Variants in ANKS1B observed in about 807,000 individuals in gnomAD.
ANKS1B encodes ankyrin repeat and sterile alpha motif domain-containing protein 1B.
A neutral mutation model predicts 148.3 loss-of-function variants in ANKS1B; 36 were observed. The observed-to-expected ratio is 0.24, with a 90% confidence interval of 0.19 to 0.32. ANKS1B has a LOEUF of 0.32. Among genes scored for constraint, ANKS1B ranks in the 10% least tolerant of loss-of-function variants. The pLI is 1.00. For synonymous variants in ANKS1B, 542 were observed against 560.8 expected (o/e 0.97, Z 0.47); for missense variants, 1,157 against 1,542.6 (o/e 0.75, Z 4.19).
intron 12 of ANKS1B, among the ~76,000 whole-genome samples, chr12:99,264,579 A>G (rs2153984465): frequency 6.6e-6 from 1 of 152,246 alleles, no homozygotes; most frequent in East Asian, 1.9e-4. Flanking sequence ...TGACGTTAGC[A>G]TTTTGGAAAA....
At chr12:99,748,724 T>C (rs1266489998) in intron 8 of ANKS1B, among the ~76,000 whole-genome samples, 3 of 151,884 alleles carry the variant, frequency 2.0e-5, no homozygotes, top group Non-Finnish European at 4.4e-5. Flanking sequence ...TAAAACAGGG[T>C]AATGGAAATA....
At chr12:99,690,979 C>T (rs1179148130) in intron 8 of ANKS1B, among the ~76,000 whole-genome samples, 1 of 152,230 alleles carries the variant, frequency 6.6e-6, no homozygotes, top group Non-Finnish European at 1.5e-5. Context: ...TCCCTACATC[C>T]TCTGAAATCT....
At chr12:99,102,452 AATAGGAGGTG>A (rs1218972941) in intron 15 of ANKS1B, among the ~76,000 whole-genome samples, 1 of 152,150 alleles carries the variant, frequency 6.6e-6, no homozygotes, top group East Asian at 1.9e-4. Context: ...CACTCGTAAG[AATAGGAGGTG>A]ACTGGGTGCA....
At chr12:99,222,785 C>T (rs1253114182) in intron 14 of ANKS1B, among the ~76,000 whole-genome samples, 2 of 152,162 alleles carry the variant, frequency 1.3e-5, no homozygotes, top group African/African-American at 4.8e-5. Flanking sequence ...CTATATCTTT[C>T]TCTGAGAAAC....
chr12:98,915,360 A>AT (rs2099792853), intron 17 of ANKS1B, among the ~76,000 whole-genome samples: 3 of 119,260 alleles, frequency 2.5e-5, no homozygotes, highest in African/African-American at 1.5e-4. Context: ...TGTGAGACAG[A>AT]ATTTTTTTTT....
intron 1 of ANKS1B, among the ~76,000 whole-genome samples, chr12:99,880,143 A>C (rs896641735): frequency 2.0e-5 from 3 of 152,230 alleles, no homozygotes; most frequent in African/African-American, 4.8e-5. Context: ...ACAAGTATTC[A>C]ATATATACAA....
intron 12 of ANKS1B, among the ~76,000 whole-genome samples, chr12:99,364,723 AG>A (rs1389518712): frequency 2.0e-5 from 3 of 152,252 alleles, no homozygotes; most frequent in African/African-American, 7.2e-5. Context: ...TACTGATGGT[AG>A]TTTTATATCA....
rs557160453 is a variant in ANKS1B at position 99,103,042 on chromosome 12, G to C, written c.2527-18019C>G. ...AGCAGGTAAAGCACTAGTGGAGAGG[G>C]AAGTTGGATCCACAGGAGAGGGAAA... On this transcript the variant is annotated intron_variant, in intron 15 of 26. Transcript: ENST00000683438. Among the ~76,000 whole-genome samples, 22 of 152,282 alleles carry C rather than the reference G, an allele frequency of 1.4e-4. No homozygotes were observed. The East Asian group carries it at 3.9e-3, about 27-fold the overall frequency.
Position 98,775,619 on chromosome 12 carries a change from A to ATT in ANKS1B, c.3442-2442_3442-2441dup, listed in dbSNP as rs35251566. Among the ~76,000 whole-genome samples, 453 of 146,332 alleles carry ATT rather than the reference A, an allele frequency of 3.1e-3. 4 individuals carry two copies. The highest frequency in any genetic ancestry group is 8.8e-3 in the African/African-American group (350 of 39,686). On this transcript the variant is annotated intron_variant, in intron 24 of 26. Transcript: ENST00000683438. The stretch of plus-strand genomic sequence containing the variant: ...ACCACCAGCCTGGCTTATTTTCTGT[A>ATT]TTTTTTTTTTTTGGTAGAGAAGGGG...
chr12:99,658,907 T>C (rs962013021), intron 8 of ANKS1B, among the ~76,000 whole-genome samples: 6 of 152,190 alleles, frequency 3.9e-5, no homozygotes, highest in African/African-American at 1.2e-4. Flanking sequence ...AAAGAAAACA[T>C]TGCCTTATTC....
chr12:99,235,639 T>C lies in ANKS1B; in HGVS notation c.2419+8703A>G, dbSNP rs190666250. ...TTTCTATGTGAGAGAACTGGCTACA[T>C]AGTCTATCTTGGAGCTAATATCATA... On this transcript the variant is annotated intron_variant, in intron 14 of 26. Transcript: ENST00000683438. 1.4e-3 allele frequency among the ~76,000 whole-genome samples: 218 copies of C among 152,340 alleles called. 1 individual carries two copies. Among genetic ancestry groups the C allele is most frequent in the African/African-American group, 4.8e-3 (198 of 41,572 alleles).
intron 1 of ANKS1B, among the ~76,000 whole-genome samples, chr12:99,943,806 A>G (rs2094981526): frequency 6.6e-6 from 1 of 151,668 alleles, no homozygotes; most frequent in East Asian, 1.9e-4. Flanking sequence ...ACTACAACTC[A>G]TTCTCTTTTT....
chr12:98,829,033 A>G lies in ANKS1B; in HGVS notation c.3066+141T>C. The G allele has an allele frequency of 2.1e-6, 2 of 953,138 alleles. No homozygotes were observed. Among genetic ancestry groups the G allele is most frequent in the Admixed American group, 2.2e-5 (1 of 45,656 alleles). 59.0% of individuals were successfully genotyped at this position (953,138 alleles called of 1,614,324 possible). On this transcript the variant is annotated intron_variant, in intron 19 of 26. Transcript: ENST00000683438. The surrounding 1 kb of genome is among the most constrained non-coding windows in gnomAD (Gnocchi z 5.2). Reference sequence around the variant, plus strand: ...CTGTCTCGGTCTAGTTCAGATGAGCAAGGAATGAAAGGCGGGGCATAACAT... The same window carrying G: ...CTGTCTCGGTCTAGTTCAGATGAGCGAGGAATGAAAGGCGGGGCATAACAT...
At chr12:99,982,865 T>G (rs1394931702) in intron 1 of ANKS1B, among the ~76,000 whole-genome samples, 2 of 152,238 alleles carry the variant, frequency 1.3e-5, no homozygotes, top group Non-Finnish European at 2.9e-5. Flanking sequence ...TCCCATCGAC[T>G]ATTTTTCAAC....
intron 17 of ANKS1B, among the ~76,000 whole-genome samples, chr12:98,938,521 T>C (rs2099825703): frequency 6.6e-6 from 1 of 152,176 alleles, no homozygotes; most frequent in Non-Finnish European, 1.5e-5. Context: ...TTGTTTCAAA[T>C]GTCATGGATA....
At chr12:99,660,514 C>T (rs2098472058) in intron 8 of ANKS1B, among the ~76,000 whole-genome samples, 1 of 151,948 alleles carries the variant, frequency 6.6e-6, no homozygotes, top group East Asian at 1.9e-4. Context: ...GAGGTGCCCA[C>T]CATCACACCT....
At chr12:99,747,995 T>C (rs1168573132) in intron 8 of ANKS1B, among the ~76,000 whole-genome samples, 1 of 152,088 alleles carries the variant, frequency 6.6e-6, no homozygotes, top group Non-Finnish European at 1.5e-5. Flanking sequence ...TTTGGCCTCA[T>C]GTGTTCACTT....
intron 1 of ANKS1B, among the ~76,000 whole-genome samples, chr12:99,910,550 A>G (rs1409778563): frequency 6.6e-6 from 1 of 152,094 alleles, no homozygotes; most frequent in Non-Finnish European, 1.5e-5. Flanking sequence ...CACTGGGGAG[A>G]TGGGAGGAAT....
chr12:98,927,613 T>A (rs2058875971), intron 17 of ANKS1B, among the ~76,000 whole-genome samples: 1 of 151,930 alleles, frequency 6.6e-6, no homozygotes, highest in African/African-American at 2.4e-5. Context: ...AAAGATATAA[T>A]TTCTATGACA....
Sources: allele counts gnomAD v4.1 joint callset (sites outside exome capture counted in the v4.1 genomes callset), GRCh38; gene constraint gnomAD v4.1.1; non-coding constraint Gnocchi (gnomAD v3.1); transcripts MANE v1.5; gene names NCBI Gene and HGNC (gene_info 2026-07-23, HGNC 2026-07-21).